The following PDE4D variants were observed in gnomAD, a reference collection of about 807,000 sequenced individuals.
PDE4D encodes 3',5'-cyclic-AMP phosphodiesterase 4D.
Under a neutral mutation model 87.4 loss-of-function variants are expected in PDE4D, and 24 were observed. The ratio of observed to expected loss-of-function variants is 0.27; its 90% CI spans 0.20 to 0.39. The LOEUF (loss-of-function observed/expected upper bound fraction) is 0.39, where lower values mean the gene tolerates loss of function less well. PDE4D is among the 10% of genes least tolerant of loss of function. The probability of loss-of-function intolerance (pLI) is 1.00; values close to 1 mark genes in which losing one functional copy is unlikely to be tolerated. For synonymous variants in PDE4D, 384 were observed against 383.2 expected (o/e 1.00, Z -0.02); for missense variants, 714 against 1,041.0 (o/e 0.69, Z 4.32).
intron 1 of PDE4D, among the ~76,000 whole-genome samples, chr5:59,872,217 C>T (rs149257366): frequency 5.3e-5 from 8 of 150,632 alleles, no homozygotes; most frequent in African/African-American, 1.5e-4. Context: ...TGAGCATTAT[C>T]CTGTAAACAA....
At chr5:60,043,439 C>A (rs1768762451) in intron 2 of PDE4D, among the ~76,000 whole-genome samples, 1 of 152,086 alleles carries the variant, frequency 6.6e-6, no homozygotes, top group African/African-American at 2.4e-5. Flanking sequence ...TCAGGAAATA[C>A]AGAGAACACC....
At chr5:59,350,165 T>C (rs184206064) in intron 1 of PDE4D, among the ~76,000 whole-genome samples, 450 of 152,304 alleles carry the variant, frequency 3.0e-3, no homozygotes, top group Non-Finnish European at 5.4e-3. Context: ...GGATAAGTCT[T>C]TCTCTTATTC....
intron 1 of PDE4D, among the ~76,000 whole-genome samples, chr5:59,313,738 C>T (rs1773143625): frequency 6.6e-6 from 1 of 152,134 alleles, no homozygotes; most frequent in African/African-American, 2.4e-5. Flanking sequence ...CTGCTGGCTC[C>T]AGACCCTCTA....
At chr5:60,115,490 T>G (rs896072618) in intron 2 of PDE4D, among the ~76,000 whole-genome samples, 3 of 152,134 alleles carry the variant, frequency 2.0e-5, no homozygotes, top group Non-Finnish European at 4.4e-5. Flanking sequence ...CTAGTAATTT[T>G]GAGCACCTAC....
At chr5:59,869,428 G>A (rs957186317) in intron 1 of PDE4D, among the ~76,000 whole-genome samples, 4 of 152,282 alleles carry the variant, frequency 2.6e-5, no homozygotes, top group Non-Finnish European at 4.4e-5. Flanking sequence ...CCAAATAATA[G>A]AGAGTGATGT....
intron 2 of PDE4D, among the ~76,000 whole-genome samples, chr5:60,061,766 T>C (rs1388128248): frequency 6.6e-6 from 1 of 151,308 alleles, no homozygotes; most frequent in African/African-American, 2.4e-5. Flanking sequence ...AGACCTCAGA[T>C]ATAAGACCAT....
chr5:59,172,610 A>G (rs1217786980), intron 5 of PDE4D, among the ~76,000 whole-genome samples: 1 of 151,592 alleles, frequency 6.6e-6, no homozygotes, highest in Non-Finnish European at 1.5e-5. Context: ...CAGGAGGCTG[A>G]GGTGGGAGGA....
intron 1 of PDE4D, among the ~76,000 whole-genome samples, chr5:59,519,395 C>T (rs1811779015): frequency 6.6e-6 from 1 of 152,180 alleles, no homozygotes; most frequent in South Asian, 2.1e-4. Context: ...GCTAAAGTAA[C>T]ATATGAGCGA....
intron 11 of PDE4D, among the ~76,000 whole-genome samples, chr5:58,987,524 T>G (rs554341774): frequency 6.6e-6 from 1 of 152,312 alleles, no homozygotes; most frequent in East Asian, 1.9e-4. Flanking sequence ...ACCTCTACAT[T>G]CCTTCTTTAA....
In PDE4D at chr5:59,668,804, AAAGAAG is replaced by A. The variant is rs569736039; in HGVS notation, c.455+224358_455+224363del. Among the ~76,000 whole-genome samples the A allele has an allele frequency of 2.5e-3, 275 of 108,268 alleles. 8 individuals are homozygous for A. The highest frequency in any genetic ancestry group is 3.9e-3 in the Middle Eastern group (1 of 258). 71.0% of individuals were successfully genotyped at this position (108,268 alleles called of 152,430 possible). A position where few individuals can be genotyped will look rare whatever the true frequency, so the allele number is the denominator to read the frequency against. ...AAGAAGAAGAAGAAAGAAGAAGAAG[AAAGAAG>A]AAGAAGAAGAAGAAGAAGAAGAGGA... is the stretch of plus-strand genomic sequence containing the variant. On this transcript the variant is annotated intron_variant, in intron 1 of 14. Coordinates refer to ENST00000340635, the MANE Select transcript of PDE4D (RefSeq NM_001104631.2).
intron 1 of PDE4D, among the ~76,000 whole-genome samples, chr5:59,299,303 T>C (rs1294459475): frequency 6.6e-6 from 1 of 152,106 alleles, no homozygotes; most frequent in Non-Finnish European, 1.5e-5. Context: ...CATCTCACAG[T>C]TGGGATAACT....
At chr5:59,433,135 C>A (rs58332803) in intron 1 of PDE4D, among the ~76,000 whole-genome samples, 11,181 of 151,960 alleles carry the variant, frequency 0.074, 1,335 homozygotes, top group African/African-American at 0.26. Context: ...TTTTCACATG[C>A]CAGCTAATTT....
intron 1 of PDE4D, chr5:59,703,665 T>C: frequency 1.9e-6 from 1 of 527,048 alleles, no homozygotes; most frequent in Non-Finnish European, 3.9e-6. Context: ...TTAGTTAGAT[T>C]AGTAACTGGT....
intron 1 of PDE4D, among the ~76,000 whole-genome samples, chr5:59,584,518 C>T (rs995546155): frequency 6.6e-6 from 1 of 152,216 alleles, no homozygotes; most frequent in Non-Finnish European, 1.5e-5. Flanking sequence ...CTTCTCCATA[C>T]AGCTTTCAAA....
chr5:59,480,429 T>C (rs1356625100), intron 1 of PDE4D, among the ~76,000 whole-genome samples: 1 of 152,146 alleles, frequency 6.6e-6, no homozygotes, highest in African/African-American at 2.4e-5. Context: ...TTAATAAAAA[T>C]GCCATCTGCC....
At chr5:59,976,068 C>G (rs532606855) in intron 3 of PDE4D, among the ~76,000 whole-genome samples, 1 of 152,242 alleles carries the variant, frequency 6.6e-6, no homozygotes, top group South Asian at 2.1e-4. Flanking sequence ...AGCCTTGGGT[C>G]GCCAGTGCAT....
At chr5:59,737,678 C>A (rs1443291651) in intron 1 of PDE4D, among the ~76,000 whole-genome samples, 1 of 151,816 alleles carries the variant, frequency 6.6e-6, no homozygotes, top group Admixed American at 6.6e-5. Flanking sequence ...TAAAAACAAG[C>A]CCATTTAGAT....
chr5:60,127,605 A>C, intron 2 of PDE4D: 1 of 528,736 alleles, frequency 1.9e-6, no homozygotes, highest in African/African-American at 1.9e-5. Context: ...GAGGAAGATG[A>C]AGGTGAAGAA....
chr5:59,616,992 G>A (rs543314896), intron 1 of PDE4D, among the ~76,000 whole-genome samples: 6 of 133,810 alleles, frequency 4.5e-5, no homozygotes, highest in Non-Finnish European at 6.2e-5. Flanking sequence ...ATAAGATTTC[G>A]TACTTTTTGT....
Sources: gnomAD v4.1 joint callset for allele counts (sites outside exome capture counted in the v4.1 genomes callset) on GRCh38, gnomAD v4.1.1 for gene constraint, MANE v1.5 for transcripts, NCBI Gene and HGNC (gene_info 2026-07-23, HGNC 2026-07-21) for gene names.